The following NFXL1 variants were observed in gnomAD, a reference collection of about 807,000 sequenced individuals.
NFXL1 encodes NF-X1-type zinc finger protein NFXL1.
A neutral mutation model predicts 123.3 loss-of-function variants in NFXL1; 66 were observed. That is an observed-to-expected ratio of 0.54 (90% confidence interval 0.44 to 0.66). The LOEUF is 0.66. Among genes scored for constraint, NFXL1 ranks in the 30% least tolerant of loss-of-function variants. NFXL1 has a pLI of 0.00. For synonymous variants in NFXL1, 346 were observed against 360.8 expected (o/e 0.96, Z 0.46); for missense variants, 944 against 1,125.6 (o/e 0.84, Z 2.31).
intron 5 of NFXL1, among the ~76,000 whole-genome samples, chr4:47,900,507 GC>G (rs1560602843): frequency 6.6e-6 from 1 of 152,014 alleles, no homozygotes; most frequent in African/African-American, 2.4e-5. Context: ...ACTGTGCCCA[GC>G]CCAAAAAAAG....
At chr4:47,874,663 T>C (rs561799720) in intron 18 of NFXL1, among the ~76,000 whole-genome samples, 14 of 152,030 alleles carry the variant, frequency 9.2e-5, no homozygotes, top group South Asian at 4.2e-4. Context: ...AATGAACATA[T>C]GCTGTTGGAA....
At chr4:47,860,809 C>T (rs1734720644) in intron 19 of NFXL1, among the ~76,000 whole-genome samples, 1 of 152,144 alleles carries the variant, frequency 6.6e-6, no homozygotes, top group East Asian at 1.9e-4. Flanking sequence ...GTAGGCCCTA[C>T]TCCAGGCCTA....
intron 22 of NFXL1, 77 bp downstream of exon 22, chr4:47,851,017 CT>C: frequency 9.3e-7 from 1 of 1,073,822 alleles, no homozygotes; most frequent in East Asian, 2.4e-5. Flanking sequence ...TTAGTTTGAC[CT>C]TGGAATATAC....
At chr4:47,908,265 T>C (rs1424883829) in intron 3 of NFXL1, among the ~76,000 whole-genome samples, 1 of 151,886 alleles carries the variant, frequency 6.6e-6, no homozygotes, top group Admixed American at 6.6e-5. Context: ...ACAAAAAAAT[T>C]CTAAAAAAAT....
At chr4:47,852,884 C>T (rs1311103861) in intron 20 of NFXL1, among the ~76,000 whole-genome samples, 1 of 151,844 alleles carries the variant, frequency 6.6e-6, no homozygotes, top group Non-Finnish European at 1.5e-5. Flanking sequence ...TCTACCACAG[C>T]TTAGACATGA....
At chr4:47,862,700 C>A (rs1484052004) in intron 19 of NFXL1, 146 bp downstream of exon 19, 19 of 669,192 alleles carry the variant, frequency 2.8e-5, no homozygotes, top group Non-Finnish European at 4.2e-5. Flanking sequence ...AAATGAGATG[C>A]ATCTACCCTA....
At chr4:47,880,993 A>T (rs759293580) in intron 15 of NFXL1, among the ~76,000 whole-genome samples, 10 of 152,130 alleles carry the variant, frequency 6.6e-5, no homozygotes, top group Non-Finnish European at 8.8e-5. Context: ...TTAAAAAACA[A>T]AATTACAGCT....
At chr4:47,908,237 C>T (rs1258952892) in intron 3 of NFXL1, among the ~76,000 whole-genome samples, 1 of 152,054 alleles carries the variant, frequency 6.6e-6, no homozygotes, top group East Asian at 1.9e-4. Flanking sequence ...CTTGACAACA[C>T]AGGAAAACAC....
rs183431963 is a variant in NFXL1 at position 47,914,171 on chromosome 4, G to A, written c.33C>T (p.Gly11=). The change falls in exon 2 of 23, where the codon GGC becomes GGT. Residue 11 remains glycine (G), a synonymous_variant. Coordinates refer to ENST00000507489, the MANE Select transcript of NFXL1 (RefSeq NM_001278624.2). MEASWRQVAG[G]RGRSRGRATA... is the part of the protein sequence containing the mutation. ...TGGCCCGTCCCCGGGATCGGCCTCG[G>A]CCACCGGCCACCTGGCGCCAGGAAG... The A allele has an allele frequency of 2.4e-4, 364 of 1,530,632 alleles. 5 individuals are homozygous for A. In the East Asian group the frequency reaches 8.9e-3, roughly 37 times the overall value. The allele number at this position is 1,530,632 out of a possible 1,614,324, so 94.8% of individuals were successfully genotyped here.
intron 18 of NFXL1, among the ~76,000 whole-genome samples, chr4:47,865,172 C>G (rs992726728): frequency 6.6e-5 from 10 of 152,076 alleles, no homozygotes; most frequent in African/African-American, 2.4e-4. Context: ...GTTTTAAGAG[C>G]AGAGGAAAAA....
chr4:47,851,814 A>G, intron 21 of NFXL1, 42 bp downstream of exon 21: 2 of 1,235,386 alleles, frequency 1.6e-6, no homozygotes, highest in Non-Finnish European at 2.4e-6. Flanking sequence ...ATAAGAAGGG[A>G]AAGGCCACTA....
chr4:47,875,116 A>G lies in NFXL1; in HGVS notation c.2246+11T>C. Reference sequence around the variant, plus strand: ...TGTAATAAAATAAGACTTTTTTTTCAGTCTACTTACCTACATTCCACATAC... The same window carrying G: ...TGTAATAAAATAAGACTTTTTTTTCGGTCTACTTACCTACATTCCACATAC... On this transcript the variant is annotated intron_variant, in intron 18 of 22. Transcript: ENST00000507489. 2 of 1,551,602 alleles carry G rather than the reference A, an allele frequency of 1.3e-6. No homozygotes were observed. Among genetic ancestry groups the G allele is most frequent in the Non-Finnish European group, 1.8e-6 (2 of 1,137,102 alleles).
At chr4:47,898,134 A>G in intron 8 of NFXL1, 53 bp from the exon 9 acceptor site, 2 of 1,110,884 alleles carry the variant, frequency 1.8e-6, no homozygotes, top group Admixed American at 2.3e-5. Flanking sequence ...TAACAAAAAA[A>G]GACTTCATAC....
intron 12 of NFXL1, among the ~76,000 whole-genome samples, chr4:47,886,553 G>C (rs1238052779): frequency 6.6e-6 from 1 of 151,884 alleles, no homozygotes; most frequent in Non-Finnish European, 1.5e-5. Context: ...TATTTATAGA[G>C]ATGGAGGGGT....
chr4:47,889,843 CAT>C (rs1228661097), intron 12 of NFXL1, among the ~76,000 whole-genome samples: 1 of 152,150 alleles, frequency 6.6e-6, no homozygotes, highest in Admixed American at 6.5e-5. Flanking sequence ...GTCTCACATG[CAT>C]AGTTTTCCAG....
intron 13 of NFXL1, 60 bp downstream of exon 13, chr4:47,885,819 C>T (rs564413158): frequency 1.0e-5 from 16 of 1,556,240 alleles, no homozygotes; most frequent in Non-Finnish European, 1.4e-5. Context: ...TATTAAAAGC[C>T]AATATGAATT....
chr4:47,865,040 T>C (rs1734969785), intron 18 of NFXL1, among the ~76,000 whole-genome samples: 1 of 152,110 alleles, frequency 6.6e-6, no homozygotes, highest in African/African-American at 2.4e-5. Context: ...TTTCTCCAGG[T>C]AGTCTCAGAA....
At chr4:47,888,091 T>C (rs995744914) in intron 12 of NFXL1, among the ~76,000 whole-genome samples, 1 of 152,072 alleles carries the variant, frequency 6.6e-6, no homozygotes, top group Non-Finnish European at 1.5e-5. Flanking sequence ...CTAGCCAACA[T>C]GGTGAAACCC....
chr4:47,889,660 G>A (rs1019854082), intron 12 of NFXL1, among the ~76,000 whole-genome samples: 6 of 152,218 alleles, frequency 3.9e-5, no homozygotes, highest in African/African-American at 9.6e-5. Context: ...CTAAGTCCAC[G>A]ATCTTTCCAA....
Sources: allele counts gnomAD v4.1 joint callset (sites outside exome capture counted in the v4.1 genomes callset), GRCh38; gene constraint gnomAD v4.1.1; transcripts MANE v1.5; gene names NCBI Gene and HGNC (gene_info 2026-07-23, HGNC 2026-07-21).